Variants in DNAJC1 observed in about 807,000 individuals in gnomAD.
The protein encoded by DNAJC1 is DnaJ heat shock protein family (Hsp40) member C1, also known as dnaJ homolog subfamily C member 1.
DNAJC1 carries 58 observed loss-of-function variants against 76.6 expected under a neutral mutation model. That is an observed-to-expected ratio of 0.76 (90% CI 0.61 to 0.94). The LOEUF (loss-of-function observed/expected upper bound fraction) is 0.94. DNAJC1 is among the 40% of genes least tolerant of loss of function. DNAJC1 has a pLI of 0.00. For synonymous variants in DNAJC1, 258 were observed against 267.9 expected (o/e 0.96, Z 0.36); for missense variants, 689 against 677.3 (o/e 1.02, Z -0.19).
chr10:21,790,030 A>G (rs916855835), intron 9 of DNAJC1, among the ~76,000 whole-genome samples: 57 of 150,364 alleles, frequency 3.8e-4, no homozygotes, highest in African/African-American at 1.1e-3. Flanking sequence ...AAAAAAAAAA[A>G]AAAAAAAGAA....
intron 1 of DNAJC1, among the ~76,000 whole-genome samples, chr10:21,992,861 G>C (rs1180022605): frequency 6.6e-6 from 1 of 152,152 alleles, no homozygotes; most frequent in Non-Finnish European, 1.5e-5. Context: ...GATCATTAAA[G>C]TATTACTCTG....
intron 7 of DNAJC1, among the ~76,000 whole-genome samples, chr10:21,902,936 CT>C (rs1347156022): frequency 6.6e-6 from 1 of 151,284 alleles, no homozygotes; most frequent in Admixed American, 6.6e-5. Flanking sequence ...TTTCTTTTTT[CT>C]TTTTTTTGAG....
intron 8 of DNAJC1, among the ~76,000 whole-genome samples, chr10:21,819,118 T>C (rs2131657150): frequency 6.6e-6 from 1 of 152,246 alleles, no homozygotes; most frequent in South Asian, 2.1e-4. Flanking sequence ...TAAAAAAGGT[T>C]TGGGCCAGGC....
At chr10:21,908,899 T>G (rs921871230) in intron 6 of DNAJC1, among the ~76,000 whole-genome samples, 1 of 151,926 alleles carries the variant, frequency 6.6e-6, no homozygotes, top group Admixed American at 6.6e-5. Flanking sequence ...TTTTTTTTTT[T>G]CCCCAAGACA....
chr10:21,936,205 G>A (rs1837309163), intron 1 of DNAJC1, among the ~76,000 whole-genome samples: 1 of 152,110 alleles, frequency 6.6e-6, no homozygotes, highest in South Asian at 2.1e-4. Flanking sequence ...TCAGCCCTGG[G>A]AGGACACATA....
chr10:21,840,491 T>A (rs1196837251), intron 8 of DNAJC1, among the ~76,000 whole-genome samples: 1 of 152,028 alleles, frequency 6.6e-6, no homozygotes, highest in Non-Finnish European at 1.5e-5. Context: ...ATGAGTGAAA[T>A]CCCATTCACA....
chr10:21,965,887 A>C (rs1372419954), intron 1 of DNAJC1, among the ~76,000 whole-genome samples: 1 of 152,174 alleles, frequency 6.6e-6, no homozygotes. Context: ...TTTCTTGCAC[A>C]AGATCCAAGA....
At chr10:21,817,368 A>G (rs1350762627) in intron 8 of DNAJC1, among the ~76,000 whole-genome samples, 1 of 152,090 alleles carries the variant, frequency 6.6e-6, no homozygotes, top group Admixed American at 6.6e-5. Flanking sequence ...CCTTAAATAT[A>G]CTACGAACAC....
chr10:21,938,241 A>T (rs1190457746), intron 1 of DNAJC1, among the ~76,000 whole-genome samples: 1 of 152,068 alleles, frequency 6.6e-6, no homozygotes, highest in Non-Finnish European at 1.5e-5. Flanking sequence ...AGTAAAAAAC[A>T]AATCTCTAGA....
In DNAJC1 at chr10:21,882,315, C is replaced by T. The variant is rs1330358136; in HGVS notation, c.945G>A (p.Trp315Ter). The T allele has an allele frequency of 1.3e-6, 2 of 1,597,852 alleles. No homozygotes were observed. Among genetic ancestry groups the T allele is most frequent in the Non-Finnish European group, 1.7e-6 (2 of 1,176,046 alleles). The part of the protein sequence containing the change: ...IEEIEEQMDD[W>*]LENRNRTQKK... The stretch of plus-strand genomic sequence containing the variant: ...TCTGTGTTCGGTTCCTGTTTTCCAA[C>T]CAATCATCCATTTGTTCCTCAATTT... Residue 315 changes from tryptophan (W) to a stop codon, truncating the protein, a stop_gained, in exon 8 of 12, where the codon TGG (tryptophan) becomes TGA (stop). Transcript: ENST00000376980. LOFTEE classifies it high-confidence loss of function.
chr10:21,781,811 C>T (rs1421653324), intron 9 of DNAJC1, among the ~76,000 whole-genome samples: 4 of 150,006 alleles, frequency 2.7e-5, no homozygotes, highest in South Asian at 4.2e-4. Flanking sequence ...GGGTACATAA[C>T]GAAATGAAGG....
chr10:21,938,883 G>T (rs559779127), intron 1 of DNAJC1, among the ~76,000 whole-genome samples: 1 of 152,100 alleles, frequency 6.6e-6, no homozygotes, highest in Non-Finnish European at 1.5e-5. Context: ...GTTTTTTTTG[G>T]TTTGTTTTTT....
At chr10:21,947,584 T>G (rs1837525654) in intron 1 of DNAJC1, among the ~76,000 whole-genome samples, 1 of 152,242 alleles carries the variant, frequency 6.6e-6, no homozygotes, top group African/African-American at 2.4e-5. Context: ...TGTTAATTGT[T>G]TATGTTAGTG....
Position 21,836,575 on chromosome 10 carries a change from G to C in DNAJC1, c.979-30476C>G, listed in dbSNP as rs184608676. On this transcript the variant is annotated intron_variant, in intron 8 of 11. Transcript: ENST00000376980. ...AAGACCCATCAGTGTGCTGTATTCA[G>C]GAAACCCATCTCACGTTCAGAGACA... is the stretch of plus-strand genomic sequence containing the variant. Among the ~76,000 whole-genome samples, 1,397 of 152,212 alleles carry C rather than the reference G, an allele frequency of 9.2e-3. 31 individuals carry two copies. The highest frequency in any genetic ancestry group is 0.032 in the African/African-American group (1,338 of 41,532).
At chr10:21,900,373 A>G (rs1332261266) in intron 7 of DNAJC1, among the ~76,000 whole-genome samples, 1 of 151,930 alleles carries the variant, frequency 6.6e-6, no homozygotes, top group Non-Finnish European at 1.5e-5. Context: ...AAAAAAAGAT[A>G]AAGAAATTTG....
At chr10:21,959,555 C>T (rs952161184) in intron 1 of DNAJC1, among the ~76,000 whole-genome samples, 7 of 151,872 alleles carry the variant, frequency 4.6e-5, no homozygotes, top group African/African-American at 7.3e-5. Flanking sequence ...CTTTGGGAAG[C>T]CATGCAGATC....
chr10:21,958,489 C>T (rs982604999), intron 1 of DNAJC1, among the ~76,000 whole-genome samples: 2 of 150,218 alleles, frequency 1.3e-5, no homozygotes, highest in African/African-American at 4.9e-5. Context: ...AGTGCAGTGG[C>T]GCGATCTCGG....
intron 1 of DNAJC1, among the ~76,000 whole-genome samples, chr10:21,980,552 CATAA>C (rs1305122054): frequency 6.6e-6 from 1 of 152,044 alleles, no homozygotes; most frequent in Admixed American, 6.5e-5. Context: ...CCAGAGTGGA[CATAA>C]ATGAGATAAA....
intron 1 of DNAJC1, among the ~76,000 whole-genome samples, chr10:21,955,072 C>T (rs1241058081): frequency 6.6e-6 from 1 of 152,208 alleles, no homozygotes; most frequent in East Asian, 1.9e-4. Context: ...GCATTACCCA[C>T]TCCCAGCCCC....
Sources: gnomAD v4.1 joint callset for allele counts (sites outside exome capture counted in the v4.1 genomes callset) on GRCh38, gnomAD v4.1.1 for gene constraint, MANE v1.5 for transcripts, NCBI Gene and HGNC (gene_info 2026-07-23, HGNC 2026-07-21) for gene names.